The following RBM20 variants were observed in gnomAD, a reference collection of about 807,000 sequenced individuals.
The protein encoded by RBM20 is RNA-binding protein 20.
RBM20 carries 51 observed loss-of-function variants against 110.1 expected under a neutral mutation model. The ratio of observed to expected loss-of-function variants is 0.46; its 90% CI spans 0.37 to 0.59. The LOEUF (loss-of-function observed/expected upper bound fraction) is 0.59, where lower values mean the gene tolerates loss of function less well. Among genes scored for constraint, RBM20 ranks in the 20% least tolerant of loss-of-function variants. RBM20 has a pLI of 0.00. For missense variants in RBM20, 1,512 were observed against 1,574.9 expected (o/e 0.96, Z 0.68); for synonymous variants, 589 against 618.2 (o/e 0.95, Z 0.70).
chr10:110,793,474 T>C (rs1283340157), intron 5 of RBM20, among the ~76,000 whole-genome samples: 3 of 152,214 alleles, frequency 2.0e-5, no homozygotes, highest in African/African-American at 7.2e-5. Flanking sequence ...AAATTGTAAA[T>C]GAATTAAATT....
intron 1 of RBM20, among the ~76,000 whole-genome samples, chr10:110,750,639 C>A (rs919835488): frequency 1.1e-4 from 16 of 152,226 alleles, no homozygotes; most frequent in African/African-American, 3.9e-4. Flanking sequence ...CTAGACCTTG[C>A]TGTTTTCCTT....
At chr10:110,794,002 C>T (rs1049192245) in intron 5 of RBM20, among the ~76,000 whole-genome samples, 7 of 152,208 alleles carry the variant, frequency 4.6e-5, no homozygotes, top group Admixed American at 2.6e-4. Context: ...GACGCTTGCT[C>T]AAGAGCACTC....
At chr10:110,797,684 A>G (rs1250421292) in intron 6 of RBM20, 36 bp downstream of exon 6, 4 of 1,531,810 alleles carry the variant, frequency 2.6e-6, no homozygotes, top group Non-Finnish European at 3.5e-6. Context: ...TGTATATGCC[A>G]CAGACCACAC....
At chr10:110,726,761 G>A (rs1159061763) in intron 1 of RBM20, among the ~76,000 whole-genome samples, 3 of 152,216 alleles carry the variant, frequency 2.0e-5, no homozygotes, top group South Asian at 2.1e-4. Context: ...TATAATCAAA[G>A]TTATGGTTTA....
chr10:110,768,416 C>G (rs1050930735), intron 1 of RBM20, among the ~76,000 whole-genome samples: 3 of 152,192 alleles, frequency 2.0e-5, no homozygotes, highest in African/African-American at 7.2e-5. Flanking sequence ...AACTTCCACC[C>G]ATTTTGGGAA....
At chr10:110,768,049 G>A (rs1844131508) in intron 1 of RBM20, among the ~76,000 whole-genome samples, 2 of 152,236 alleles carry the variant, frequency 1.3e-5, no homozygotes, top group African/African-American at 2.4e-5. Context: ...CCAACACAGC[G>A]AAACCCCGTC....
chr10:110,650,826 T>C (rs187436162), intron 1 of RBM20, among the ~76,000 whole-genome samples: 32 of 152,334 alleles, frequency 2.1e-4, no homozygotes, highest in Non-Finnish European at 4.1e-4. Context: ...TGCCCTCCAG[T>C]GTCAGGAGTA....
chr10:110,665,767 G>T (rs1356889979), intron 1 of RBM20, among the ~76,000 whole-genome samples: 2 of 152,072 alleles, frequency 1.3e-5, no homozygotes, highest in African/African-American at 4.8e-5. Context: ...ACATTAAAAA[G>T]AATATTATTT....
intron 1 of RBM20, among the ~76,000 whole-genome samples, chr10:110,664,754 T>A (rs934568989): frequency 1.3e-5 from 2 of 151,776 alleles, no homozygotes; most frequent in African/African-American, 2.4e-5. Flanking sequence ...CTCAAAAAAA[T>A]TTTTTAAAAA....
chr10:110,722,070 G>A (rs1420990146), intron 1 of RBM20, among the ~76,000 whole-genome samples: 1 of 152,084 alleles, frequency 6.6e-6, no homozygotes, highest in African/African-American at 2.4e-5. Flanking sequence ...GTAGTTTAGA[G>A]CAATTAAGTT....
At chr10:110,756,275 A>T (rs1217069982) in intron 1 of RBM20, among the ~76,000 whole-genome samples, 1 of 152,240 alleles carries the variant, frequency 6.6e-6, no homozygotes, top group Non-Finnish European at 1.5e-5. Flanking sequence ...CAACATGAGG[A>T]AAAGCCTGTA....
chr10:110,789,591 G>A (rs1344777332), intron 5 of RBM20, among the ~76,000 whole-genome samples: 1 of 151,968 alleles, frequency 6.6e-6, no homozygotes, highest in Non-Finnish European at 1.5e-5. Flanking sequence ...CAAGTAACTG[G>A]GACTACAGGC....
chr10:110,752,827 T>C (rs375864360), intron 1 of RBM20, among the ~76,000 whole-genome samples: 41 of 151,328 alleles, frequency 2.7e-4, no homozygotes, highest in African/African-American at 8.7e-4. Flanking sequence ...TTTCCTTGCT[T>C]TTCTCTATAA....
intron 12 of RBM20, among the ~76,000 whole-genome samples, chr10:110,829,042 A>C (rs1232041878): frequency 6.6e-6 from 1 of 152,136 alleles, no homozygotes; most frequent in East Asian, 1.9e-4. Flanking sequence ...CAGGGGGCTT[A>C]ATAAAAACCC....
chr10:110,754,794 T>A (rs187702475), intron 1 of RBM20, among the ~76,000 whole-genome samples: 1 of 152,384 alleles, frequency 6.6e-6, no homozygotes, highest in African/African-American at 2.4e-5. Context: ...TGAGTTTGCA[T>A]CTGAAGTGTG....
chr10:110,745,381 G>A (rs1843767822), intron 1 of RBM20, among the ~76,000 whole-genome samples: 1 of 152,154 alleles, frequency 6.6e-6, no homozygotes, highest in Admixed American at 6.5e-5. Context: ...TGGTCGGAGA[G>A]GGATGCCAGG....
chr10:110,731,479 TCC>T lies in RBM20; in HGVS notation c.192-49320_192-49319del, dbSNP rs905757309. Among the ~76,000 whole-genome samples the T allele has an allele frequency of 5.3e-4, 81 of 152,332 alleles. 1 individual carries two copies. The highest frequency in any genetic ancestry group is 1.1e-3 in the Non-Finnish European group (72 of 68,028). ...TACACCTGTACCCTGGGTCACAAATTCCCTTTGCCATATCCCATTTCTTTCTG... is the reference window on the plus strand; with the variant it reads ...TACACCTGTACCCTGGGTCACAAATTCTTTGCCATATCCCATTTCTTTCTG... On this transcript the variant is annotated intron_variant, in intron 1 of 13. Transcript: ENST00000369519.
rs1301588677 is a variant in RBM20, at chr10:110,812,536, C to A, written c.2139C>A (p.His713Gln). The A allele has an allele frequency of 6.4e-7, 1 of 1,551,742 alleles. No homozygotes were observed. Among genetic ancestry groups the A allele is most frequent in the East Asian group, 2.4e-5 (1 of 40,926 alleles). The change falls in exon 9 of 14, where the codon CAC becomes CAA. Residue 713 changes from histidine to glutamine, a missense_variant. By Grantham distance (24) the His-to-Gln change is conservative (BLOSUM62 0). This residue lies in a region of RBM20 where 1,149 missense variants were observed against 1,169.4 expected (regional missense o/e 0.98). Transcript: ENST00000369519. ...ACCCCTGGGCACATGATCGCAAACA[C>A]CACCCCCGGCAACTGGACAAGGCTG... ...RMDPWAHDRK[H>Q]HPRQLDKAEL...
chr10:110,814,493 G>C, intron 9 of RBM20, among the ~76,000 whole-genome samples: 1 of 151,634 alleles, frequency 6.6e-6, no homozygotes, highest in Non-Finnish European at 1.5e-5. Flanking sequence ...TTTGGGTTTT[G>C]TTTTGTTTTT....
Sources: gnomAD v4.1 joint callset for allele counts (sites outside exome capture counted in the v4.1 genomes callset) on GRCh38, gnomAD v4.1.1 for gene constraint, gnomAD v4.1.1 regional missense constraint, MANE v1.5 for transcripts, NCBI Gene and HGNC (gene_info 2026-07-23, HGNC 2026-07-21) for gene names.